CDH13: variants seen among roughly 807,000 people sequenced by gnomAD.
CDH13 encodes the protein cadherin-13.
CDH13 carries 24 observed loss-of-function variants against 63.8 expected under a neutral mutation model. That is an observed-to-expected ratio of 0.38 (90% CI 0.27 to 0.53). The LOEUF (loss-of-function observed/expected upper bound fraction) is 0.53, where lower values mean the gene tolerates loss of function less well. Among genes scored for constraint, CDH13 ranks in the 20% least tolerant of loss-of-function variants. CDH13 has a pLI of 0.85. For synonymous variants in CDH13, 503 were observed against 355.3 expected (o/e 1.42, Z -4.67); for missense variants, 1,049 against 903.1 (o/e 1.16, Z -2.07).
At chr16:82,994,104 T>C (rs943682075) in intron 2 of CDH13, among the ~76,000 whole-genome samples, 1 of 152,220 alleles carries the variant, frequency 6.6e-6, no homozygotes, top group African/African-American at 2.4e-5. Flanking sequence ...ATTACCCATC[T>C]GTTTGTGGGG....
chr16:83,383,468 G>C (rs547881231), intron 6 of CDH13, among the ~76,000 whole-genome samples: 1 of 152,280 alleles, frequency 6.6e-6, no homozygotes, highest in Admixed American at 6.5e-5. Flanking sequence ...TCTTAGCTGA[G>C]CATCTGCCCT....
chr16:83,196,202 G>A (rs1384774873), intron 4 of CDH13, among the ~76,000 whole-genome samples: 3 of 152,104 alleles, frequency 2.0e-5, no homozygotes, highest in Admixed American at 6.5e-5. Flanking sequence ...GTTGCAGTGA[G>A]CCTAGAACAC....
At chr16:83,668,420 A>G (rs1174522245) in intron 8 of CDH13, among the ~76,000 whole-genome samples, 1 of 152,186 alleles carries the variant, frequency 6.6e-6, no homozygotes, top group African/African-American at 2.4e-5. Flanking sequence ...GCAACTTCTC[A>G]CTTATGCACT....
chr16:83,001,653 T>A (rs917596984), intron 2 of CDH13, among the ~76,000 whole-genome samples: 63 of 152,220 alleles, frequency 4.1e-4, no homozygotes, highest in African/African-American at 1.5e-3. Flanking sequence ...GAGAAGCGAA[T>A]CTCGCATTTT....
chr16:82,735,722 C>A (rs150807943), intron 1 of CDH13, among the ~76,000 whole-genome samples: 1 of 152,202 alleles, frequency 6.6e-6, no homozygotes, highest in Non-Finnish European at 1.5e-5. Flanking sequence ...AGCGAGACCA[C>A]AATGTTGCCA....
chr16:83,291,793 G>A (rs988784772), intron 5 of CDH13, among the ~76,000 whole-genome samples: 1 of 152,076 alleles, frequency 6.6e-6, no homozygotes, highest in Non-Finnish European at 1.5e-5. Context: ...AATTATTCGG[G>A]AAAATGCCCT....
chr16:82,836,690 C>T (rs1006140605), intron 1 of CDH13, among the ~76,000 whole-genome samples: 2 of 152,154 alleles, frequency 1.3e-5, no homozygotes, highest in Admixed American at 1.3e-4. Flanking sequence ...CGATGATGAG[C>T]CTGCTGATGC....
intron 4 of CDH13, among the ~76,000 whole-genome samples, chr16:83,150,302 C>G (rs1248841598): frequency 2.6e-5 from 4 of 152,212 alleles, no homozygotes; most frequent in South Asian, 2.1e-4. Context: ...CTAATTCTCT[C>G]TCTCTCTGTC....
intron 8 of CDH13, among the ~76,000 whole-genome samples, chr16:83,655,573 G>T (rs976076838): frequency 6.6e-6 from 1 of 152,176 alleles, no homozygotes; most frequent in Non-Finnish European, 1.5e-5. Context: ...GTGAATGAGG[G>T]AGAAAAGGCA....
chr16:82,706,150 G>C (rs902564796), intron 1 of CDH13, among the ~76,000 whole-genome samples: 1 of 147,592 alleles, frequency 6.8e-6, no homozygotes, highest in Non-Finnish European at 1.5e-5. Context: ...CTTTCTTTCC[G>C]CCTCCCTTCT....
chr16:83,248,264 G>A (rs553921394), intron 5 of CDH13, among the ~76,000 whole-genome samples: 11 of 152,286 alleles, frequency 7.2e-5, no homozygotes, highest in Admixed American at 1.3e-4. Flanking sequence ...GAGCTCACGC[G>A]TGGGTGAGAA....
At chr16:83,138,570 C>T (rs757059684) in intron 4 of CDH13, among the ~76,000 whole-genome samples, 8 of 152,162 alleles carry the variant, frequency 5.3e-5, no homozygotes, top group Middle Eastern at 3.4e-3. Context: ...GGCTGTGATG[C>T]AAGGAGGAAA....
intron 2 of CDH13, among the ~76,000 whole-genome samples, chr16:82,936,744 A>G (rs562808743): frequency 6.6e-6 from 1 of 152,178 alleles, no homozygotes; most frequent in African/African-American, 2.4e-5. Flanking sequence ...GAGCACTGTG[A>G]GAATAGGTAG....
At chr16:83,151,206 G>A (rs569611510) in intron 4 of CDH13, among the ~76,000 whole-genome samples, 1 of 152,174 alleles carries the variant, frequency 6.6e-6, no homozygotes, top group Non-Finnish European at 1.5e-5. Flanking sequence ...CCATCAGAGA[G>A]ACAGACACAT....
chr16:83,096,404 A>C (rs2034195518), intron 3 of CDH13, among the ~76,000 whole-genome samples: 1 of 152,230 alleles, frequency 6.6e-6, no homozygotes, highest in African/African-American at 2.4e-5. Context: ...TTCCTGGGAA[A>C]GTTATCCAAT....
At chr16:83,585,075 A>T (rs1449758836) in intron 7 of CDH13, among the ~76,000 whole-genome samples, 3 of 152,092 alleles carry the variant, frequency 2.0e-5, no homozygotes, top group African/African-American at 7.2e-5. Context: ...CACATATCCA[A>T]ACCGTATCAG....
chr16:82,949,187 C>T (rs1213423773), intron 2 of CDH13, among the ~76,000 whole-genome samples: 1 of 152,180 alleles, frequency 6.6e-6, no homozygotes, highest in Non-Finnish European at 1.5e-5. Context: ...AATCAAAGTG[C>T]TGTCAAGGGC....
intron 6 of CDH13, among the ~76,000 whole-genome samples, chr16:83,460,552 G>C (rs1454010920): frequency 1.3e-5 from 2 of 152,090 alleles, no homozygotes; most frequent in East Asian, 3.9e-4. Flanking sequence ...TGGATCTCCA[G>C]GACATGCATA....
Position 82,866,377 on chromosome 16 carries a change from C to CTTTTTT in CDH13, c.157+7928_157+7933dup, listed in dbSNP as rs538206338. On this transcript the variant is annotated intron_variant, in intron 2 of 13. Transcript: ENST00000567109. ...TCTGTTTTCTTTTCTTTTTCTTCTT[C>CTTTTTT]TTTTTTTTTTTTTTTTTTTTTTTTT... Among the ~76,000 whole-genome samples the CTTTTTT allele has an allele frequency of 8.3e-3, 485 of 58,306 alleles. 41 individuals carry two copies. Among genetic ancestry groups the CTTTTTT allele is most frequent in the Middle Eastern group, 0.026 (2 of 78 alleles). The allele number at this position is 58,306 out of a possible 152,430, so 38.3% of individuals were successfully genotyped here.
Sources: allele counts gnomAD v4.1 joint callset (sites outside exome capture counted in the v4.1 genomes callset), GRCh38; gene constraint gnomAD v4.1.1; transcripts MANE v1.5; gene names NCBI Gene and HGNC (gene_info 2026-07-23, HGNC 2026-07-21).